The following ANKS1B variants were observed in gnomAD, a reference collection of about 807,000 sequenced individuals.
ANKS1B encodes the protein ankyrin repeat and sterile alpha motif domain-containing protein 1B.
ANKS1B carries 36 observed loss-of-function variants against 148.3 expected under a neutral mutation model. That is an observed-to-expected ratio of 0.24 (90% CI 0.19 to 0.32). The LOEUF is 0.32. Ranked by LOEUF, ANKS1B falls within the 10% of genes least tolerant of loss-of-function variation. The pLI is 1.00. For missense variants in ANKS1B, 1,157 were observed against 1,542.6 expected (o/e 0.75, Z 4.19); for synonymous variants, 542 against 560.8 (o/e 0.97, Z 0.47).
At chr12:99,703,512 C>A in intron 8 of ANKS1B, among the ~76,000 whole-genome samples, 1 of 152,056 alleles carries the variant, frequency 6.6e-6, no homozygotes, top group East Asian at 1.9e-4. Context: ...AACATATTAT[C>A]CTGTTTCACG....
intron 17 of ANKS1B, among the ~76,000 whole-genome samples, 159 bp from the exon 18 acceptor site, chr12:98,832,295 CA>C (rs2099324640): frequency 6.6e-6 from 1 of 152,152 alleles, no homozygotes; most frequent in Non-Finnish European, 1.5e-5. Context: ...AGAAAGATTG[CA>C]GTAGCATCTG....
Position 99,250,230 on chromosome 12 carries a change from A to G in ANKS1B, c.1757-3366T>C, listed in dbSNP as rs186043717. Among the ~76,000 whole-genome samples the G allele has an allele frequency of 3.3e-5, 5 of 152,340 alleles. No individual in the cohort carries two copies. In the East Asian group the frequency reaches 9.6e-4, roughly 29 times the overall value. On this transcript the variant is annotated intron_variant, in intron 12 of 26. Transcript: ENST00000683438. ...AAGAACTGTACCTAGTTGTCTGGTCATTAGAGCAGGTGAATGAATAGTGGC... is the reference window on the plus strand; with the variant it reads ...AAGAACTGTACCTAGTTGTCTGGTCGTTAGAGCAGGTGAATGAATAGTGGC...
intron 17 of ANKS1B, among the ~76,000 whole-genome samples, chr12:98,836,133 C>T (rs2099361398): frequency 6.6e-6 from 1 of 152,148 alleles, no homozygotes; most frequent in Admixed American, 6.5e-5. Flanking sequence ...CTTCTTCTTG[C>T]TGTTAACCTC....
chr12:98,742,988 A>AACTT (rs1272113139), downstream of ANKS1B, among the ~76,000 whole-genome samples: 2 of 152,172 alleles, frequency 1.3e-5, no homozygotes, highest in African/African-American at 4.8e-5. Flanking sequence ...CTAAAAAGAG[A>AACTT]ACTTAGAAAG....
At chr12:98,952,809 C>A (rs1008119822) in intron 17 of ANKS1B, among the ~76,000 whole-genome samples, 13 of 152,162 alleles carry the variant, frequency 8.5e-5, no homozygotes, top group Non-Finnish European at 1.9e-4. Flanking sequence ...CTACATTTTT[C>A]TACCATAATT....
intron 11 of ANKS1B, 81 bp from the exon 12 acceptor site, chr12:99,399,892 T>C (rs1323632242): frequency 4.9e-5 from 70 of 1,430,864 alleles, no homozygotes; most frequent in Non-Finnish European, 7.8e-6. Context: ...TTAATCTAAG[T>C]GATAATTTTT....
At chr12:98,885,443 T>A (rs2099737428) in intron 17 of ANKS1B, among the ~76,000 whole-genome samples, 1 of 152,138 alleles carries the variant, frequency 6.6e-6, no homozygotes, top group African/African-American at 2.4e-5. Flanking sequence ...ACACATTCAG[T>A]GAACATCCTT....
At chr12:99,920,686 G>A (rs568089796) in intron 1 of ANKS1B, among the ~76,000 whole-genome samples, 1 of 152,214 alleles carries the variant, frequency 6.6e-6, no homozygotes, top group East Asian at 1.9e-4. Context: ...GAACTAGGGA[G>A]GCTGCTGGTG....
At chr12:99,929,319 C>T (rs930555215) in intron 1 of ANKS1B, among the ~76,000 whole-genome samples, 2 of 151,950 alleles carry the variant, frequency 1.3e-5, no homozygotes, top group African/African-American at 2.4e-5. Flanking sequence ...CTGTTCATAT[C>T]CTTCGCCCAC....
At chr12:99,576,523 T>C (rs1323437291) in intron 9 of ANKS1B, among the ~76,000 whole-genome samples, 1 of 152,056 alleles carries the variant, frequency 6.6e-6, no homozygotes, top group Admixed American at 6.6e-5. Context: ...ACCAAAATCA[T>C]ACCAATCACA....
intron 10 of ANKS1B, among the ~76,000 whole-genome samples, chr12:99,457,744 A>G (rs1212223220): frequency 6.6e-6 from 1 of 152,142 alleles, no homozygotes; most frequent in Non-Finnish European, 1.5e-5. Flanking sequence ...CTAAATATAC[A>G]TGCACCTAAC....
In ANKS1B at chr12:98,845,979, TACAC is replaced by T. The variant is rs67641647; in HGVS notation, c.2779-13847_2779-13844del. Among the ~76,000 whole-genome samples the T allele has an allele frequency of 8.7e-3, 1,047 of 120,524 alleles. 19 individuals carry two copies. Among genetic ancestry groups the T allele is most frequent in the Non-Finnish European group, 9.0e-3 (488 of 54,230 alleles). The allele number at this position is 120,524 out of a possible 152,430, so 79.1% of individuals were successfully genotyped here. ...TTAGAATTCTTCATATATATATATA[TACAC>T]ACACACACACACACACACACACATA... On this transcript the variant is annotated intron_variant, in intron 17 of 26. Transcript: ENST00000683438.
At chr12:99,599,982 T>C (rs958126123) in intron 9 of ANKS1B, among the ~76,000 whole-genome samples, 2 of 151,998 alleles carry the variant, frequency 1.3e-5, no homozygotes, top group Admixed American at 1.3e-4. Context: ...TTATTGCTGG[T>C]CCCAGTGAGT....
chr12:99,967,080 A>G (rs2095493103), intron 1 of ANKS1B, among the ~76,000 whole-genome samples: 1 of 152,168 alleles, frequency 6.6e-6, no homozygotes, highest in Non-Finnish European at 1.5e-5. Flanking sequence ...TTATAATGCA[A>G]ATATTCCAGA....
intron 17 of ANKS1B, among the ~76,000 whole-genome samples, chr12:98,890,116 T>G (rs894758191): frequency 6.6e-6 from 1 of 152,178 alleles, no homozygotes; most frequent in Non-Finnish European, 1.5e-5. Flanking sequence ...TTGGTTCCTG[T>G]CTAGAGTAGC....
intron 14 of ANKS1B, among the ~76,000 whole-genome samples, chr12:99,193,654 TTC>T (rs1365396838): frequency 2.6e-5 from 4 of 152,048 alleles, no homozygotes; most frequent in Non-Finnish European, 4.4e-5. Flanking sequence ...GAAAAGATAC[TTC>T]TTTTTCTTTC....
chr12:99,980,395 T>C (rs1566132999), intron 1 of ANKS1B, among the ~76,000 whole-genome samples: 1 of 152,062 alleles, frequency 6.6e-6, no homozygotes, highest in Admixed American at 6.5e-5. Flanking sequence ...ATGAATACTA[T>C]CTTCATTTTG....
At chr12:98,748,331 G>A (rs1473277850) in intron 26 of ANKS1B, among the ~76,000 whole-genome samples, 2 of 152,170 alleles carry the variant, frequency 1.3e-5, no homozygotes, top group African/African-American at 2.4e-5. Flanking sequence ...GCTAAGCCTT[G>A]AGACAAATCC....
intron 25 of ANKS1B, among the ~76,000 whole-genome samples, chr12:98,772,490 C>G (rs1399183505): frequency 6.6e-6 from 1 of 152,146 alleles, no homozygotes; most frequent in Non-Finnish European, 1.5e-5. Context: ...GCTGGGGAGG[C>G]CTCACAATCA....
Sources: allele counts gnomAD v4.1 joint callset (sites outside exome capture counted in the v4.1 genomes callset), GRCh38; gene constraint gnomAD v4.1.1; transcripts MANE v1.5; gene names NCBI Gene and HGNC (gene_info 2026-07-23, HGNC 2026-07-21).